The following AP2A1 variants were observed in gnomAD, a reference collection of about 807,000 sequenced individuals.
AP2A1 encodes AP-2 complex subunit alpha-1.
AP2A1 carries 21 observed loss-of-function variants against 107.3 expected under a neutral mutation model. The ratio of observed to expected loss-of-function variants is 0.20; its 90% CI spans 0.14 to 0.28. The LOEUF (loss-of-function observed/expected upper bound fraction) is 0.28. AP2A1 is among the 10% of genes least tolerant of loss of function. The pLI, the probability that AP2A1 is intolerant of heterozygous loss-of-function variation, is 1.00. For synonymous variants in AP2A1, 602 were observed against 564.8 expected, an observed-to-expected ratio of 1.07 and a Z score of -0.93; for missense variants, 873 against 1,307.7, an observed-to-expected ratio of 0.67 and a Z score of 5.13.
intron 10 of AP2A1, 58 bp downstream of exon 10, chr19:49,799,824 G>T (rs1260629785): frequency 2.5e-6 from 4 of 1,581,458 alleles, no homozygotes; most frequent in East Asian, 2.3e-5. Context: ...GTGGCTGGGG[G>T]CCTGGATTCC....
At chr19:49,781,681 GC>G in intron 1 of AP2A1, 75 bp from the exon 2 acceptor site, 1 of 1,438,734 alleles carries the variant, frequency 7.0e-7, no homozygotes, top group Non-Finnish European at 9.6e-7. Flanking sequence ...GCTGGGTGGG[GC>G]CGCGCCTAGG....
chr19:49,786,699 A>G (rs2084741397), intron 4 of AP2A1, among the ~76,000 whole-genome samples: 2 of 152,224 alleles, frequency 1.3e-5, no homozygotes, highest in Non-Finnish European at 1.5e-5. Context: ...CCAGTCGCAA[A>G]TGCTGCCAGC....
At chr19:49,769,818 G>A (rs751285594) in intron 1 of AP2A1, among the ~76,000 whole-genome samples, 1 of 152,168 alleles carries the variant, frequency 6.6e-6, no homozygotes, top group Non-Finnish European at 1.5e-5. Flanking sequence ...CAGGCCTCTG[G>A]GTGAGAGATG....
At chr19:49,778,585 A>G (rs2084640758) in intron 1 of AP2A1, among the ~76,000 whole-genome samples, 1 of 152,096 alleles carries the variant, frequency 6.6e-6, no homozygotes, top group African/African-American at 2.4e-5. Context: ...CTGCGTCTCA[A>G]GATAAAACAA....
At chr19:49,802,382 C>T in intron 15 of AP2A1, 2 of 929,578 alleles carry the variant, frequency 2.2e-6, no homozygotes, top group Non-Finnish European at 3.4e-6. Context: ...TTTCCTGTCA[C>T]CGTTTCTCAG....
chr19:49,768,084 G>A (rs1313814096), intron 1 of AP2A1, among the ~76,000 whole-genome samples: 2 of 152,030 alleles, frequency 1.3e-5, no homozygotes, highest in South Asian at 4.1e-4. Context: ...TGCTTGAGGG[G>A]TAGATATCTG....
rs1222687790 is a variant in AP2A1, at chr19:49,783,731, G to A, written c.473+1007G>A. ...CTGGGTGAACCCGAGTATCGGTTTT[G>A]GGGCCCTGCAGCCTCTGGGAACAGA... is the stretch of plus-strand genomic sequence containing the variant. On this transcript the variant is annotated intron_variant, in intron 4 of 22. Transcript: ENST00000354293. Among the ~76,000 whole-genome samples, 6 of 152,328 alleles carry A rather than the reference G, an allele frequency of 3.9e-5. No individual in the cohort carries two copies. The East Asian group carries it at 9.6e-4, about 24-fold the overall frequency.
intron 4 of AP2A1, among the ~76,000 whole-genome samples, chr19:49,791,110 A>G (rs76653157): frequency 0.2 from 30,861 of 152,116 alleles, 3,324 homozygotes; most frequent in South Asian, 0.38. Context: ...CTCCTCCTAC[A>G]CACGGGCTCC....
At chr19:49,787,539 G>A (rs2084757188) in intron 4 of AP2A1, among the ~76,000 whole-genome samples, 3 of 148,932 alleles carry the variant, frequency 2.0e-5, no homozygotes, top group Admixed American at 2.0e-4. Context: ...TAGTAGAGAC[G>A]AGGTTTGCCA....
intron 7 of AP2A1, chr19:49,796,100 CA>C: frequency 3.8e-6 from 1 of 262,160 alleles, no homozygotes; most frequent in South Asian, 5.0e-5. Flanking sequence ...TGGGTGATTC[CA>C]GGCCGTGCTA....
chr19:49,772,101 C>T (rs12971721), intron 1 of AP2A1, among the ~76,000 whole-genome samples: 31,059 of 151,792 alleles, frequency 0.2, 3,250 homozygotes, highest in Non-Finnish European at 0.22. Context: ...TCTGTCATCC[C>T]GGCTGGAGTA....
chr19:49,787,353 T>TTTTTTTTTTTTTTTTTTTTA (rs2084753421), intron 4 of AP2A1, among the ~76,000 whole-genome samples: 1 of 111,004 alleles, frequency 9.0e-6, no homozygotes, highest in Non-Finnish European at 1.8e-5. Context: ...TTTTGTTTTT[T>TTTTTTTTTTTTTTTTTTTTA]GTTTTTTTTT....
intron 1 of AP2A1, 32 bp downstream of exon 1, chr19:49,767,232 C>T (rs1568571272): frequency 6.3e-7 from 1 of 1,584,086 alleles, no homozygotes; most frequent in Admixed American, 1.7e-5. Context: ...ACTGGAGACG[C>T]GGGGGAGGGG....
At chr19:49,796,427 C>T (rs2073214356) in intron 7 of AP2A1, 1 of 152,396 alleles carries the variant, frequency 6.6e-6, no homozygotes, top group African/African-American at 2.4e-5. Context: ...TGACTGACCT[C>T]ATGGAGCAGT....
At position 49,807,084 on chromosome 19, in the gene AP2A1, T is replaced by C; in HGVS notation, c.*326T>C. On this transcript the variant is annotated 3_prime_UTR_variant, in exon 23 of 23. Transcript: ENST00000354293. Reference sequence around the variant, plus strand: ...CTCCCCATCCAGGGGCTGTGTATTATTGTGAGCGAATAAACAGAGAGACGC... The same window carrying C: ...CTCCCCATCCAGGGGCTGTGTATTACTGTGAGCGAATAAACAGAGAGACGC... 6.2e-7 allele frequency: 1 copy of C among 1,601,104 alleles called. No individual in the cohort carries two copies. The highest frequency in any genetic ancestry group is 8.5e-7 in the Non-Finnish European group (1 of 1,175,904).
intron 1 of AP2A1, among the ~76,000 whole-genome samples, chr19:49,772,951 G>C (rs2084579930): frequency 6.6e-6 from 1 of 151,886 alleles, no homozygotes; most frequent in African/African-American, 2.4e-5. Flanking sequence ...TCTGGAGAAG[G>C]TTTCAAGCAG....
chr19:49,784,968 A>C (rs1465176439), intron 4 of AP2A1, among the ~76,000 whole-genome samples: 2 of 152,246 alleles, frequency 1.3e-5, no homozygotes, highest in Non-Finnish European at 2.9e-5. Context: ...CAAAGCCAGA[A>C]TTAGTGGCCT....
chr19:49,780,318 G>A (rs2084661032), intron 1 of AP2A1, among the ~76,000 whole-genome samples: 1 of 152,240 alleles, frequency 6.6e-6, no homozygotes. Flanking sequence ...CTTTAAGGAA[G>A]TGAAACGGAA....
In AP2A1 at chr19:49,793,475, G is replaced by A. The variant is rs568742528; in HGVS notation, c.705+383G>A. 1.1e-4 allele frequency among the ~76,000 whole-genome samples: 16 copies of A among 152,046 alleles called. 1 individual carries two copies. Among genetic ancestry groups the A allele is most frequent in the South Asian group, 6.2e-4 (3 of 4,812 alleles). On this transcript the variant is annotated intron_variant, in intron 6 of 22. Transcript: ENST00000354293. ...TTTCCCTCTTCTGGCTTTGCCTCCCGCCTCTCTCTTTCCTGTGCAGCCTCT... is the reference window on the plus strand; with the variant it reads ...TTTCCCTCTTCTGGCTTTGCCTCCCACCTCTCTCTTTCCTGTGCAGCCTCT...
Sources: gnomAD v4.1 joint callset for allele counts (sites outside exome capture counted in the v4.1 genomes callset) on GRCh38, gnomAD v4.1.1 for gene constraint, MANE v1.5 for transcripts, NCBI Gene and HGNC (gene_info 2026-07-23, HGNC 2026-07-21) for gene names.